The following ACSF3 variants were observed in gnomAD, a reference collection of about 807,000 sequenced individuals.
The protein encoded by ACSF3 is malonate--CoA ligase ACSF3, mitochondrial.
In ACSF3, 78 loss-of-function variants were observed where a neutral mutation model predicts 53.2. The observed-to-expected ratio is 1.47, with a 90% CI of 1.22 to 1.77. The LOEUF (loss-of-function observed/expected upper bound fraction) is 1.77, where lower values mean the gene tolerates loss of function less well. Ranked by LOEUF, ACSF3 falls within the 40% of genes most tolerant of loss-of-function variation. The pLI is 0.00. For synonymous variants in ACSF3, 414 were observed against 333.1 expected (o/e 1.24, Z -2.65); for missense variants, 937 against 771.1 (o/e 1.22, Z -2.55).
chr16:89,111,831 A>C (rs1050022245), intron 4 of ACSF3, among the ~76,000 whole-genome samples: 1 of 152,092 alleles, frequency 6.6e-6, no homozygotes, highest in Non-Finnish European at 1.5e-5. Flanking sequence ...CTGACCACTC[A>C]CGTCTCTCCA....
At chr16:89,114,565 C>G (rs1567703688) in intron 6 of ACSF3, 78 bp downstream of exon 6, 1 of 1,587,030 alleles carries the variant, frequency 6.3e-7, no homozygotes, top group African/African-American at 1.3e-5. Flanking sequence ...TCGAACCACC[C>G]ACATTCGGAC....
chr16:89,122,195 C>G (rs538613799), intron 7 of ACSF3, among the ~76,000 whole-genome samples: 34 of 124,748 alleles, frequency 2.7e-4, no homozygotes, highest in Non-Finnish European at 4.4e-4. Flanking sequence ...AAACCTCTCA[C>G]CTGGGGCCAC....
At chr16:89,119,190 C>T (rs1403559119) in intron 6 of ACSF3, among the ~76,000 whole-genome samples, 1 of 152,220 alleles carries the variant, frequency 6.6e-6, no homozygotes. Flanking sequence ...GACACCATCC[C>T]AGAGCCTCTT....
intron 6 of ACSF3, 117 bp downstream of exon 6, chr16:89,114,604 G>C (rs3743981): frequency 2.0e-6 from 3 of 1,482,640 alleles, no homozygotes; most frequent in East Asian, 4.7e-5. Context: ...ATGCTCCCCC[G>C]TGGGACAGGC....
At chr16:89,141,870 C>T (rs1476925891) in intron 8 of ACSF3, among the ~76,000 whole-genome samples, 5 of 152,224 alleles carry the variant, frequency 3.3e-5, no homozygotes, top group East Asian at 3.8e-4. Flanking sequence ...CCTCATGCCA[C>T]GCACAAGTTC....
intron 2 of ACSF3, among the ~76,000 whole-genome samples, 200 bp downstream of exon 2, chr16:89,098,963 C>T (rs770477265): frequency 2.0e-4 from 30 of 152,280 alleles, no homozygotes; most frequent in Non-Finnish European, 2.9e-4. Context: ...GACTACGCTT[C>T]GGCCACAGGC....
Position 89,131,005 on chromosome 16 carries a change from A to G in ACSF3, c.1240-2131A>G, listed in dbSNP as rs75904333. Among the ~76,000 whole-genome samples, 777 of 136,948 alleles carry G rather than the reference A, an allele frequency of 5.7e-3. 5 individuals are homozygous for G. Among genetic ancestry groups the G allele is most frequent in the African/African-American group, 0.02 (729 of 36,278 alleles). 89.8% of individuals were successfully genotyped at this position (136,948 alleles called of 152,430 possible). On this transcript the variant is annotated intron_variant, in intron 7 of 10. Coordinates refer to ENST00000614302, the MANE Select transcript of ACSF3 (RefSeq NM_001243279.3). The stretch of plus-strand genomic sequence containing the variant: ...AATCCATGAGATTCTTTATTTCTGT[A>G]TTTTTCAGTTTTTAAATTATTGTTT...
chr16:89,094,032 T>G (rs1024895898), intron 1 of ACSF3, 36 bp downstream of exon 1: 3 of 151,684 alleles, frequency 2.0e-5, no homozygotes, highest in Middle Eastern at 3.3e-3. Context: ...CGCGGCGGGG[T>G]CGGCCGGGCG....
Position 89,134,071 on chromosome 16 carries a change from G to A in ACSF3, c.1366+809G>A, listed in dbSNP as rs554117273. Among the ~76,000 whole-genome samples, 7 of 152,356 alleles carry A rather than the reference G, an allele frequency of 4.6e-5. No homozygotes were observed. The South Asian group carries it at 1.2e-3, about 27-fold the overall frequency. ...TGGATATTTCGACATTTGGATAGTG[G>A]ACGTATATGGATGGACATTTGGATA... On this transcript the variant is annotated intron_variant, in intron 8 of 10. Coordinates refer to ENST00000614302, the MANE Select transcript of ACSF3 (RefSeq NM_001243279.3).
rs752720474 is a variant in ACSF3 at position 89,100,753 on chromosome 16, G to C, written c.72G>C (p.Ala24=). 14 of 1,607,630 alleles carry C rather than the reference G, an allele frequency of 8.7e-6. No individual in the cohort carries two copies. The highest frequency in any genetic ancestry group is 1.2e-5 in the Non-Finnish European group (14 of 1,179,834). ...CALASCRLAP[A]RHRGSGLLHT... Reference sequence around the variant, plus strand: ...TGGCGTCCTGCCGGCTGGCGCCTGCGAGACACAGAGGAAGTGGTCTTCTGC... The same window carrying C: ...TGGCGTCCTGCCGGCTGGCGCCTGCCAGACACAGAGGAAGTGGTCTTCTGC... Residue 24 remains alanine, a synonymous_variant, in exon 3 of 11, where the codon GCG becomes GCC. Transcript: ENST00000614302.
At chr16:89,148,724 G>A (rs1829272453) in intron 10 of ACSF3, 1 of 152,246 alleles carries the variant, frequency 6.6e-6, no homozygotes, top group Admixed American at 6.5e-5. Context: ...CCCTGGAGCA[G>A]TGGCCTGAGC....
intron 10 of ACSF3, chr16:89,150,206 C>G (rs1200720081): frequency 1.3e-5 from 2 of 152,372 alleles, no homozygotes; most frequent in Non-Finnish European, 2.9e-5. Flanking sequence ...GACTTGCCGT[C>G]TCCTGAGCAC....
chr16:89,130,810 T>G lies in ACSF3; in HGVS notation c.1240-2326T>G, dbSNP rs780428769. Among the ~76,000 whole-genome samples, 379 of 152,284 alleles carry G rather than the reference T, an allele frequency of 2.5e-3. 5 individuals are homozygous for G. The highest frequency in any genetic ancestry group is 2.6e-3 in the Non-Finnish European group (179 of 68,030). ...TTTAGCCAAATTTTATCAAACGACTTTGTGCACCTAAGTGTTATCTTTTCT... is the reference window on the plus strand; with the variant it reads ...TTTAGCCAAATTTTATCAAACGACTGTGTGCACCTAAGTGTTATCTTTTCT... On this transcript the variant is annotated intron_variant, in intron 7 of 10. Coordinates refer to ENST00000614302, the MANE Select transcript of ACSF3 (RefSeq NM_001243279.3).
chr16:89,120,354 A>G (rs1334123680), intron 6 of ACSF3, among the ~76,000 whole-genome samples: 1 of 152,214 alleles, frequency 6.6e-6, no homozygotes, highest in African/African-American at 2.4e-5. Context: ...TGCCGGGCAC[A>G]CACAGGTCCC....
At position 89,144,840 on chromosome 16, in the gene ACSF3, C is replaced by G. The variant is rs59409859; in HGVS notation, c.1367-427C>G. ...AAAAGGCCACGCATCCCACCCATGG[C>G]CAGTGGTTATCAATCACTGTCACAG... On this transcript the variant is annotated intron_variant, in intron 8 of 10. Coordinates refer to ENST00000614302, the MANE Select transcript of ACSF3 (RefSeq NM_001243279.3). Among the ~76,000 whole-genome samples, 1,472 of 152,338 alleles carry G rather than the reference C, an allele frequency of 9.7e-3. 29 individuals are homozygous for G. Among genetic ancestry groups the G allele is most frequent in the African/African-American group, 0.033 (1,375 of 41,574 alleles).
At chr16:89,141,475 G>A (rs962391561) in intron 8 of ACSF3, among the ~76,000 whole-genome samples, 11 of 152,244 alleles carry the variant, frequency 7.2e-5, no homozygotes, top group Admixed American at 1.3e-4. Context: ...CAGAGGAGGT[G>A]GAGCAGGGGT....
chr16:89,114,883 C>T (rs545024331), intron 6 of ACSF3: 5 of 348,796 alleles, frequency 1.4e-5, no homozygotes, highest in South Asian at 6.8e-5. Context: ...TGCCACACAG[C>T]GCCAGCAGCA....
At chr16:89,101,949 A>G (rs1369782325) in intron 3 of ACSF3, among the ~76,000 whole-genome samples, 2 of 152,152 alleles carry the variant, frequency 1.3e-5, no homozygotes, top group African/African-American at 2.4e-5. Flanking sequence ...CTGCGCCGTC[A>G]CTCCTGGAAG....
rs1419853894 is a variant in ACSF3, at chr16:89,102,684, T to C, written c.747T>C (p.Gly249=). 21 of 1,613,738 alleles carry C rather than the reference T, an allele frequency of 1.3e-5. No homozygotes were observed. The highest frequency in any genetic ancestry group is 1.8e-5 in the Non-Finnish European group (21 of 1,180,014). ...TGCTCCCGCTGCACCACGTCCATGG[T>C]GTGGTCAACGCGCTGCTCTGTCCTC... ...LHVLPLHHVH[G]VVNALLCPLW... Residue 249 remains glycine, a synonymous_variant, in exon 4 of 11, where the codon GGT becomes GGC. Transcript: ENST00000614302.
Sources: gnomAD v4.1 joint callset for allele counts (sites outside exome capture counted in the v4.1 genomes callset) on GRCh38, gnomAD v4.1.1 for gene constraint, MANE v1.5 for transcripts, NCBI Gene and HGNC (gene_info 2026-07-23, HGNC 2026-07-21) for gene names.